COPZ1: variants seen among roughly 807,000 people sequenced by gnomAD.
COPZ1 encodes the protein coatomer subunit zeta-1.
COPZ1 carries 4 observed loss-of-function variants against 31.7 expected under a neutral mutation model. That is an observed-to-expected ratio of 0.13 (90% CI 0.06 to 0.29). The LOEUF (loss-of-function observed/expected upper bound fraction) is 0.29, where lower values mean the gene tolerates loss of function less well. COPZ1 is among the 10% of genes least tolerant of loss of function. COPZ1 has a pLI of 1.00. For missense variants in COPZ1, 156 were observed against 211.5 expected (o/e 0.74, Z 1.63); for synonymous variants, 74 against 79.0 (o/e 0.94, Z 0.33).
intron 3 of COPZ1, among the ~76,000 whole-genome samples, chr12:54,342,853 C>CTTT (rs11321130): frequency 1.6e-4 from 15 of 94,606 alleles, no homozygotes; most frequent in Non-Finnish European, 2.6e-4. Context: ...GTAACGCCTT[C>CTTT]TTTTTTTTTT....
intron 1 of COPZ1, among the ~76,000 whole-genome samples, chr12:54,327,094 C>T (rs1037608657): frequency 2.8e-5 from 4 of 144,952 alleles, no homozygotes; most frequent in African/African-American, 1.0e-4. Context: ...AATTCTCATG[C>T]CTCAGCTTCC....
chr12:54,345,308 T>C (rs1046756739), intron 4 of COPZ1, 152 bp from the exon 5 acceptor site: 2 of 575,890 alleles, frequency 3.5e-6, no homozygotes, highest in Admixed American at 3.0e-5. Context: ...CACAGATCCT[T>C]TTCCTGTTGT....
chr12:54,333,806 C>G (rs550080162), intron 1 of COPZ1, among the ~76,000 whole-genome samples: 15 of 152,290 alleles, frequency 9.8e-5, no homozygotes, highest in African/African-American at 3.4e-4. Flanking sequence ...GCCGTCAGTT[C>G]TTCCCGAGTC....
chr12:54,333,808 T>C (rs1953803751), intron 1 of COPZ1, among the ~76,000 whole-genome samples: 1 of 152,218 alleles, frequency 6.6e-6, no homozygotes, highest in African/African-American at 2.4e-5. Context: ...CGTCAGTTCT[T>C]CCCGAGTCAT....
intron 5 of COPZ1, among the ~76,000 whole-genome samples, chr12:54,346,270 CTTTTTTTTTT>C (rs1029430029): frequency 5.1e-5 from 7 of 138,446 alleles, no homozygotes; most frequent in East Asian, 2.1e-4. Context: ...ATTTTTTTTT[CTTTTTTTTTT>C]TTTTTGAGAT....
In COPZ1 at chr12:54,345,075, T is replaced by G. The variant is rs187931354; in HGVS notation, c.262-385T>G. Reference sequence around the variant, plus strand: ...TAGACGTTACAGGTGTGACCCACTGTGCCCAGCCAATTAAAGTCCATGCTT... The same window carrying G: ...TAGACGTTACAGGTGTGACCCACTGGGCCCAGCCAATTAAAGTCCATGCTT... On this transcript the variant is annotated intron_variant, in intron 4 of 8. Coordinates refer to ENST00000262061, the MANE Select transcript of COPZ1 (RefSeq NM_016057.3). The G allele has an allele frequency of 2.0e-3, 365 of 182,508 alleles. 1 individual carries two copies. The highest frequency in any genetic ancestry group is 0.014 in the South Asian group (123 of 9,038). The allele number at this position is 182,508 out of a possible 1,614,324, so 11.3% of individuals were successfully genotyped here.
At chr12:54,346,673 CA>C in intron 5 of COPZ1, 1 of 701,704 alleles carries the variant, frequency 1.4e-6, no homozygotes, top group Admixed American at 2.0e-5. Flanking sequence ...TTGGGCAACA[CA>C]GTGAGACCCT....
rs144495800 is a variant in COPZ1 at position 54,340,301 on chromosome 12, G to A, written c.19-246G>A. 1.7e-4 allele frequency: 90 copies of A among 541,860 alleles called. No homozygotes were observed. In the East Asian group the frequency reaches 2.7e-3, roughly 16 times the overall value. 33.6% of individuals were successfully genotyped at this position (541,860 alleles called of 1,614,324 possible). A position where few individuals can be genotyped will look rare whatever the true frequency, so the allele number is the denominator to read the frequency against. On this transcript the variant is annotated intron_variant, in intron 1 of 8. Coordinates refer to ENST00000262061, the MANE Select transcript of COPZ1 (RefSeq NM_016057.3). ...CCTCTCTTGATTAAGCCCCCTGTGA[G>A]TCAGAGAAACTGTTTCTCTGATGGT...
chr12:54,334,130 A>AT (rs1953810747), intron 1 of COPZ1, among the ~76,000 whole-genome samples: 1 of 151,898 alleles, frequency 6.6e-6, no homozygotes, highest in African/African-American at 2.4e-5. Context: ...GTGGTGGCTC[A>AT]TGCCTGTAAT....
rs1215286638 is a variant in COPZ1 at position 54,350,725 on chromosome 12, G to A, written c.*202G>A. ...TTTCATTCTTCTTGCAGTTCTGGGA[G>A]TAAAGCTCCCAGCATATTTAGATAA... On this transcript the variant is annotated 3_prime_UTR_variant, in exon 9 of 9. Coordinates refer to ENST00000262061, the MANE Select transcript of COPZ1 (RefSeq NM_016057.3). 1.7e-6 allele frequency: 1 copy of A among 598,634 alleles called. No homozygotes were observed. The highest frequency in any genetic ancestry group is 2.8e-5 in the East Asian group (1 of 36,102). 37.1% of individuals were successfully genotyped at this position (598,634 alleles called of 1,614,324 possible).
At chr12:54,325,259 G>A (rs546058842) in intron 1 of COPZ1, 78 bp downstream of exon 1, 3 of 1,503,504 alleles carry the variant, frequency 2.0e-6, no homozygotes, top group South Asian at 2.5e-5. Flanking sequence ...AGTGGGAGAC[G>A]GGGAAAGAGA....
intron 4 of COPZ1, among the ~76,000 whole-genome samples, chr12:54,343,882 T>C (rs1269041743): frequency 2.6e-5 from 4 of 152,232 alleles, no homozygotes; most frequent in Admixed American, 2.6e-4. Context: ...GCTCTTATTA[T>C]TGGTATAAGT....
intron 1 of COPZ1, among the ~76,000 whole-genome samples, chr12:54,329,455 C>G (rs149255227): frequency 6.6e-6 from 1 of 152,006 alleles, no homozygotes; most frequent in African/African-American, 2.4e-5. Context: ...TGGTGGCATG[C>G]GCTTGTAATC....
rs751098897 is a variant in COPZ1 at position 54,345,528 on chromosome 12, T to C, written c.317+13T>C. ...GCCAGATGCTGAGGTGAGCAGGACA[T>C]TCTTTTTTTTCCCCTCAAGTTATGA... On this transcript the variant is annotated intron_variant, in intron 5 of 8. Transcript: ENST00000262061. 1.2e-6 allele frequency: 2 copies of C among 1,603,504 alleles called. No homozygotes were observed. Among genetic ancestry groups the C allele is most frequent in the South Asian group, 1.1e-5 (1 of 90,864 alleles).
intron 5 of COPZ1, among the ~76,000 whole-genome samples, chr12:54,347,503 G>A (rs1220268420): frequency 6.6e-6 from 1 of 152,244 alleles, no homozygotes; most frequent in Non-Finnish European, 1.5e-5. Flanking sequence ...AGGTAGGAAA[G>A]AAATAATAGC....
At chr12:54,349,762 G>T in intron 8 of COPZ1, 104 bp downstream of exon 8, 1 of 962,948 alleles carries the variant, frequency 1.0e-6, no homozygotes, top group South Asian at 1.3e-5. Flanking sequence ...AGAGACTCAA[G>T]ACACATCTTC....
At chr12:54,338,312 A>G (rs530903822) in intron 1 of COPZ1, among the ~76,000 whole-genome samples, 1 of 152,298 alleles carries the variant, frequency 6.6e-6, no homozygotes, top group South Asian at 2.1e-4. Context: ...GGAATTGAGG[A>G]CCCAAGTTGT....
chr12:54,346,689 C>T (rs1954070703), intron 5 of COPZ1: 1 of 700,870 alleles, frequency 1.4e-6, no homozygotes, highest in Non-Finnish European at 2.6e-6. Flanking sequence ...GACCCTGTCT[C>T]TGCAAAAAAT....
chr12:54,342,340 AG>A (rs1465453451), intron 3 of COPZ1, 53 bp downstream of exon 3: 9 of 1,317,730 alleles, frequency 6.8e-6, no homozygotes, highest in Admixed American at 1.7e-5. Flanking sequence ...CATGGTGGAA[AG>A]GGGGTGGTAA....
Sources: gnomAD v4.1 joint callset for allele counts (sites outside exome capture counted in the v4.1 genomes callset) on GRCh38, gnomAD v4.1.1 for gene constraint, MANE v1.5 for transcripts, NCBI Gene and HGNC (gene_info 2026-07-23, HGNC 2026-07-21) for gene names.